NPAS3: variants seen among roughly 807,000 people sequenced by gnomAD.
NPAS3 encodes the protein neuronal PAS domain-containing protein 3.
NPAS3 carries 14 observed loss-of-function variants against 73.1 expected under a neutral mutation model. The observed-to-expected ratio is 0.19, with a 90% confidence interval of 0.13 to 0.30. The LOEUF (loss-of-function observed/expected upper bound fraction) is 0.30, where lower values mean the gene tolerates loss of function less well. Ranked by LOEUF, NPAS3 falls within the 10% of genes least tolerant of loss-of-function variation. The pLI, the probability that NPAS3 is intolerant of heterozygous loss-of-function variation, is 1.00. For missense variants in NPAS3, 1,096 were observed against 1,250.0 expected (o/e 0.88, Z 1.86); for synonymous variants, 620 against 541.5 (o/e 1.14, Z -2.01).
intron 4 of NPAS3, among the ~76,000 whole-genome samples, chr14:33,488,412 A>G (rs2051717309): frequency 1.3e-5 from 2 of 152,138 alleles, no homozygotes; most frequent in Non-Finnish European, 2.9e-5. Flanking sequence ...AGCCCCGTGC[A>G]CAGACTCCAA....
intron 7 of NPAS3, among the ~76,000 whole-genome samples, chr14:33,769,424 C>T (rs183259621): frequency 1.3e-5 from 2 of 152,330 alleles, no homozygotes; most frequent in African/African-American, 4.8e-5. Context: ...TCGTCATCGT[C>T]CTGTGGGACA....
At chr14:33,498,997 AG>A (rs1477287116) in intron 4 of NPAS3, among the ~76,000 whole-genome samples, 1 of 92,866 alleles carries the variant, frequency 1.1e-5, no homozygotes, top group Non-Finnish European at 2.3e-5. Flanking sequence ...TGTGGTGGGA[AG>A]GGGGGTGTAT....
chr14:33,614,182 C>T (rs895916964), intron 5 of NPAS3, among the ~76,000 whole-genome samples: 1 of 152,210 alleles, frequency 6.6e-6, no homozygotes, highest in African/African-American at 2.4e-5. Context: ...TTTCTTCAAC[C>T]AGTGGAAGTT....
chr14:33,317,708 A>G lies in NPAS3; in HGVS notation c.386-49478A>G, dbSNP rs372413436. ...ATTTGCTTCCCCTTCGGCCATGATTATAGGTTTCCTGAGACCGCCCCAGCC... is the reference window on the plus strand; with the variant it reads ...ATTTGCTTCCCCTTCGGCCATGATTGTAGGTTTCCTGAGACCGCCCCAGCC... On this transcript the variant is annotated intron_variant, in intron 3 of 11. Transcript: ENST00000356141. Among the ~76,000 whole-genome samples, 6 of 151,988 alleles carry G rather than the reference A, an allele frequency of 3.9e-5. 1 individual carries two copies. In the East Asian group the frequency reaches 9.7e-4, roughly 24 times the overall value.
At chr14:33,170,211 G>A (rs2045338225) in intron 2 of NPAS3, among the ~76,000 whole-genome samples, 1 of 152,084 alleles carries the variant, frequency 6.6e-6, no homozygotes, top group Non-Finnish European at 1.5e-5. Flanking sequence ...TCATATTTTT[G>A]GTTTCCAAGT....
intron 1 of NPAS3, among the ~76,000 whole-genome samples, chr14:32,948,306 A>G (rs1949664690): frequency 6.6e-6 from 1 of 152,264 alleles, no homozygotes; most frequent in East Asian, 1.9e-4. Context: ...GCAGTGAAGA[A>G]TGTAGAGTAG....
intron 1 of NPAS3, among the ~76,000 whole-genome samples, chr14:33,028,609 T>TATCTATGGCAGTTAGC: frequency 6.6e-6 from 1 of 152,314 alleles, no homozygotes; most frequent in East Asian, 1.9e-4. Flanking sequence ...CTGAACCTAG[T>TATCTATGGCAGTTAGC]ATCTATGGCA....
chr14:33,573,026 A>AC (rs1006152894), intron 5 of NPAS3, among the ~76,000 whole-genome samples: 8 of 151,368 alleles, frequency 5.3e-5, no homozygotes, highest in African/African-American at 1.7e-4. Context: ...CTTCTCAAAA[A>AC]AAAAAAAAAA....
chr14:33,760,698 C>A (rs577344860), intron 7 of NPAS3, among the ~76,000 whole-genome samples: 1 of 137,258 alleles, frequency 7.3e-6, no homozygotes, highest in South Asian at 2.1e-4. Flanking sequence ...CTGCCTAAAC[C>A]AAACAAGTTA....
intron 4 of NPAS3, among the ~76,000 whole-genome samples, chr14:33,450,726 A>T (rs768532192): frequency 3.3e-5 from 5 of 152,104 alleles, no homozygotes; most frequent in Non-Finnish European, 5.9e-5. Context: ...TTGGAGAGAG[A>T]AGTTTTCAAT....
chr14:33,307,565 G>A (rs1342325080), intron 3 of NPAS3, among the ~76,000 whole-genome samples: 4 of 113,784 alleles, frequency 3.5e-5, no homozygotes, highest in African/African-American at 1.0e-4. Context: ...CAACTGTAAC[G>A]TTTTTCACCT....
intron 4 of NPAS3, among the ~76,000 whole-genome samples, chr14:33,502,811 C>G (rs1268011712): frequency 6.6e-6 from 1 of 151,940 alleles, no homozygotes; most frequent in African/African-American, 2.4e-5. Context: ...GTCCCCCACC[C>G]ATAAAAGCTG....
intron 7 of NPAS3, among the ~76,000 whole-genome samples, chr14:33,764,555 T>C (rs975421947): frequency 1.3e-5 from 2 of 152,214 alleles, no homozygotes; most frequent in African/African-American, 2.4e-5. Context: ...AGGGAAGCAG[T>C]TTTTCTTCCT....
At chr14:33,466,903 G>A (rs2050553702) in intron 4 of NPAS3, among the ~76,000 whole-genome samples, 1 of 152,162 alleles carries the variant, frequency 6.6e-6, no homozygotes, top group South Asian at 2.1e-4. Context: ...AATCAGACAT[G>A]AGATTTGGTG....
At position 33,231,568 on chromosome 14, in the gene NPAS3, C is replaced by T. The variant is rs958112103; in HGVS notation, c.385+16142C>T. On this transcript the variant is annotated intron_variant, in intron 3 of 11. Transcript: ENST00000356141. ...GATCATTCTTTACACTTACACATTA[C>T]CGTTTCTAAAAATCATAGAATTCAC... is the stretch of plus-strand genomic sequence containing the variant. Among the ~76,000 whole-genome samples, 6 of 152,152 alleles carry T rather than the reference C, an allele frequency of 3.9e-5. No homozygotes were observed. The East Asian group carries it at 1.2e-3, about 29-fold the overall frequency.
At chr14:33,763,488 C>A (rs1217263481) in intron 7 of NPAS3, among the ~76,000 whole-genome samples, 2 of 150,862 alleles carry the variant, frequency 1.3e-5, no homozygotes, top group Admixed American at 1.3e-4. Flanking sequence ...TGGGTCAAGG[C>A]TTTGTACTTA....
intron 4 of NPAS3, among the ~76,000 whole-genome samples, chr14:33,463,034 T>C (rs1038260075): frequency 1.3e-5 from 2 of 152,334 alleles, no homozygotes; most frequent in Admixed American, 6.5e-5. Context: ...TTTATATTTC[T>C]TATTGAGCTC....
chr14:33,251,402 A>C (rs2139893377), intron 3 of NPAS3, among the ~76,000 whole-genome samples: 1 of 152,186 alleles, frequency 6.6e-6, no homozygotes, highest in African/African-American at 2.4e-5. Context: ...AATGTGGCTA[A>C]GAGGGCATTT....
upstream of NPAS3, among the ~76,000 whole-genome samples, chr14:32,936,911 G>A (rs1302919989): frequency 6.7e-6 from 1 of 148,380 alleles, no homozygotes; most frequent in Middle Eastern, 3.3e-3. Context: ...GAATCCCACT[G>A]CAGTTCTAAA....
Sources: allele counts gnomAD v4.1 joint callset (sites outside exome capture counted in the v4.1 genomes callset), GRCh38; gene constraint gnomAD v4.1.1; transcripts MANE v1.5; gene names NCBI Gene and HGNC (gene_info 2026-07-23, HGNC 2026-07-21).